Variants in LRRC15 observed in about 807,000 individuals in gnomAD.
The protein encoded by LRRC15 is leucine-rich repeat-containing protein 15.
In LRRC15, 5 loss-of-function variants were observed where a neutral mutation model predicts 4.3. That is an observed-to-expected ratio of 1.16 (90% CI 0.61 to 2.44). The LOEUF is 2.44. LRRC15 is among the 30% of genes most tolerant of loss of function. LRRC15 has a pLI of 0.01. For missense variants in LRRC15, 769 were observed against 747.0 expected (o/e 1.03, Z -0.34); for synonymous variants, 337 against 323.2 (o/e 1.04, Z -0.46).
In LRRC15 at chr3:194,366,114, G is replaced by A. The variant is rs550004197; in HGVS notation, c.-4+3547C>T. ...CAGCTGGTGCTGACCTCAATCACGC[G>A]CTCATGGGGGCTCAGGCCAGTGGGT... On this transcript the variant is annotated intron_variant, in intron 1 of 1. Coordinates refer to ENST00000347624, the MANE Select transcript of LRRC15 (RefSeq NM_130830.5). 2.6e-4 allele frequency among the ~76,000 whole-genome samples: 40 copies of A among 152,326 alleles called. 1 individual carries two copies. In the South Asian group the frequency reaches 5.6e-3, roughly 21 times the overall value.
intron 1 of LRRC15, among the ~76,000 whole-genome samples, chr3:194,369,221 C>T (rs71316296): frequency 0.084 from 12,841 of 152,292 alleles, 654 homozygotes; most frequent in Non-Finnish European, 0.098. Context: ...GCCACCAGGG[C>T]AAGTGCCAGG....
chr3:194,365,997 C>T (rs1352381082), intron 1 of LRRC15, among the ~76,000 whole-genome samples: 2 of 152,230 alleles, frequency 1.3e-5, no homozygotes, highest in Non-Finnish European at 2.9e-5. Flanking sequence ...CCAGTCATGG[C>T]CTTGTCTGCA....
At position 194,359,294 on chromosome 3, in the gene LRRC15, C is replaced by A; in HGVS notation, c.*4G>T. 1 of 1,549,720 alleles carries A rather than the reference C, an allele frequency of 6.5e-7. No homozygotes were observed. Among genetic ancestry groups the A allele is most frequent in the South Asian group, 1.2e-5 (1 of 80,166 alleles). ...ATTCCCCAGCCCTGCTCCAGCCTGC[C>A]TCTTTAACACTCATTGGGTGCCTTC... On this transcript the variant is annotated 3_prime_UTR_variant, in exon 2 of 2. Coordinates refer to ENST00000347624, the MANE Select transcript of LRRC15 (RefSeq NM_130830.5).
In LRRC15 at chr3:194,367,523, G is replaced by A. The variant is rs1261973256; in HGVS notation, c.-4+2138C>T. 4.9e-4 allele frequency among the ~76,000 whole-genome samples: 74 copies of A among 152,276 alleles called. 1 individual carries two copies. Among genetic ancestry groups the A allele is most frequent in the Non-Finnish European group, 1.2e-4 (8 of 68,036 alleles). Reference sequence around the variant, plus strand: ...GGGTTTCGTCGTGTTAGCCAGGATGGTCTTGATCTCCTGACCTCATGATCC... The same window carrying A: ...GGGTTTCGTCGTGTTAGCCAGGATGATCTTGATCTCCTGACCTCATGATCC... On this transcript the variant is annotated intron_variant, in intron 1 of 1. Coordinates refer to ENST00000347624, the MANE Select transcript of LRRC15 (RefSeq NM_130830.5).
At chr3:194,363,193 T>C (rs1483521864) in intron 1 of LRRC15, among the ~76,000 whole-genome samples, 2 of 151,954 alleles carry the variant, frequency 1.3e-5, no homozygotes, top group Non-Finnish European at 2.9e-5. Context: ...CCCACCTCGG[T>C]CTCCCAAAGT....
rs1048693697 is a variant in LRRC15, at chr3:194,355,318, A to T, written c.*3980T>A. On this transcript the variant is annotated 3_prime_UTR_variant, in exon 2 of 2. Transcript: ENST00000347624. Reference sequence around the variant, plus strand: ...ACAAGCAGCATCCAGCAGAAGACAGACCCCCCAACCCTGCCCACCAGGGCT... The same window carrying T: ...ACAAGCAGCATCCAGCAGAAGACAGTCCCCCCAACCCTGCCCACCAGGGCT... 1.3e-4 allele frequency: 20 copies of T among 151,480 alleles called. No homozygotes were observed. Among genetic ancestry groups the T allele is most frequent in the African/African-American group, 4.9e-4 (20 of 41,104 alleles). The allele number at this position is 151,480 out of a possible 1,614,324, so 9.4% of individuals were successfully genotyped here.
chr3:194,360,057 G>C lies in LRRC15; in HGVS notation c.987C>G (p.Ile329Met), dbSNP rs771117233. The change falls in exon 2 of 2, where the codon ATC becomes ATG. Residue 329 changes from isoleucine (I) to methionine (M), a missense_variant. Transcript: ENST00000347624. ...TGAAGGCACCCGGGGAGATGAAGCTGATCTGATTGCGGCTAAGAATCAGGA... is the reference window on the plus strand; with the variant it reads ...TGAAGGCACCCGGGGAGATGAAGCTCATCTGATTGCGGCTAAGAATCAGGA... ...LQVLILSRNQ[I>M]SFISPGAFNG... 1 of 1,614,130 alleles carries C rather than the reference G, an allele frequency of 6.2e-7. No homozygotes were observed. Among genetic ancestry groups the C allele is most frequent in the African/African-American group, 1.3e-5 (1 of 74,940 alleles).
rs367752997 is a variant in LRRC15, at chr3:194,359,020, A to C, written c.*278T>G. 1.3e-5 allele frequency: 4 copies of C among 316,588 alleles called. No individual in the cohort carries two copies. The highest frequency in any genetic ancestry group is 4.2e-5 in the African/African-American group (2 of 47,362). The allele number at this position is 316,588 out of a possible 1,614,324, so 19.6% of individuals were successfully genotyped here. On this transcript the variant is annotated 3_prime_UTR_variant, in exon 2 of 2. Coordinates refer to ENST00000347624, the MANE Select transcript of LRRC15 (RefSeq NM_130830.5). ...AGGACAGGTGGGGAGGATTTGGAGG[A>C]AGAGCCCTCTCGAAGGAAGCCCAGG...
chr3:194,355,911 ATTCTT>A lies in LRRC15; in HGVS notation c.*3382_*3386del, dbSNP rs1401226230. 1 of 152,218 alleles carries A rather than the reference ATTCTT, an allele frequency of 6.6e-6. No homozygotes were observed. Among genetic ancestry groups the A allele is most frequent in the African/African-American group, 2.4e-5 (1 of 41,462 alleles). The allele number at this position is 152,218 out of a possible 1,614,324, so 9.4% of individuals were successfully genotyped here. On this transcript the variant is annotated 3_prime_UTR_variant, in exon 2 of 2. Coordinates refer to ENST00000347624, the MANE Select transcript of LRRC15 (RefSeq NM_130830.5). ...TCCCATGAGAGGGACAAACTATTCT[ATTCTT>A]TAAGGGATGGAAGAGTTTATTTTTT...
At position 194,359,153 on chromosome 3, in the gene LRRC15, G is replaced by T; in HGVS notation, c.*145C>A. ...GCTTCTCTACGGGAGAATCAGGCAA[G>T]TCAGGAAGAGGTAGGCTCACCTTTC... On this transcript the variant is annotated 3_prime_UTR_variant, in exon 2 of 2. Transcript: ENST00000347624. 1.4e-6 allele frequency: 1 copy of T among 725,296 alleles called. No homozygotes were observed. Among genetic ancestry groups the T allele is most frequent in the Non-Finnish European group, 2.2e-6 (1 of 455,572 alleles). 44.9% of individuals were successfully genotyped at this position (725,296 alleles called of 1,614,324 possible).
intron 1 of LRRC15, among the ~76,000 whole-genome samples, chr3:194,367,392 T>C (rs1033645336): frequency 2.0e-5 from 3 of 152,150 alleles, no homozygotes; most frequent in Admixed American, 6.5e-5. Context: ...CTGCAAGCTC[T>C]GCCTCCCGGG....
chr3:194,364,605 T>G (rs1375327071), intron 1 of LRRC15, among the ~76,000 whole-genome samples: 1 of 152,002 alleles, frequency 6.6e-6, no homozygotes, highest in Non-Finnish European at 1.5e-5. Context: ...GGGAGGGGCA[T>G]CAAGCCAGCC....
At position 194,367,789 on chromosome 3, in the gene LRRC15, G is replaced by A. The variant is rs76132948; in HGVS notation, c.-4+1872C>T. ...CTCACCGTCCACCTTGATCAAGCGGGGACCCGCGTCTCTCATCTCTCATGG... is the reference window on the plus strand; with the variant it reads ...CTCACCGTCCACCTTGATCAAGCGGAGACCCGCGTCTCTCATCTCTCATGG... On this transcript the variant is annotated intron_variant, in intron 1 of 1. Coordinates refer to ENST00000347624, the MANE Select transcript of LRRC15 (RefSeq NM_130830.5). 6.7e-3 allele frequency among the ~76,000 whole-genome samples: 1,021 copies of A among 152,362 alleles called. 11 individuals are homozygous for A. The highest frequency in any genetic ancestry group is 0.011 in the Non-Finnish European group (750 of 68,038).
chr3:194,363,766 A>G (rs12485733), intron 1 of LRRC15, among the ~76,000 whole-genome samples: 115,262 of 152,180 alleles, frequency 0.76, 44,777 homozygotes, highest in African/African-American at 0.93. Flanking sequence ...TGGCAAGGGG[A>G]TCTAGAAAAC....
At position 194,356,176 on chromosome 3, in the gene LRRC15, C is replaced by G. The variant is rs564664880; in HGVS notation, c.*3122G>C. 1 of 152,354 alleles carries G rather than the reference C, an allele frequency of 6.6e-6. No homozygotes were observed. The highest frequency in any genetic ancestry group is 2.1e-4 in the South Asian group (1 of 4,822). The allele number at this position is 152,354 out of a possible 1,614,324, so 9.4% of individuals were successfully genotyped here. ...CCATCACAAGTGGGTAGAGGCGGCA[C>G]TCCTACCGCAGGGGTGCTGAGGGCT... On this transcript the variant is annotated 3_prime_UTR_variant, in exon 2 of 2. Transcript: ENST00000347624.
intron 1 of LRRC15, among the ~76,000 whole-genome samples, chr3:194,366,611 T>C (rs918138990): frequency 6.6e-6 from 1 of 152,168 alleles, no homozygotes; most frequent in Non-Finnish European, 1.5e-5. Flanking sequence ...AGGCCGCAGA[T>C]CCTGCCACAG....
chr3:194,357,484 A>T lies in LRRC15; in HGVS notation c.*1814T>A, dbSNP rs1482745887. ...CCTGAAATTCTCCATTTCACTGTAAACTGGGCCAGTTGTCCAGAGAAAGAC... is the reference window on the plus strand; with the variant it reads ...CCTGAAATTCTCCATTTCACTGTAATCTGGGCCAGTTGTCCAGAGAAAGAC... On this transcript the variant is annotated 3_prime_UTR_variant, in exon 2 of 2. Coordinates refer to ENST00000347624, the MANE Select transcript of LRRC15 (RefSeq NM_130830.5). The T allele has an allele frequency of 6.6e-6, 1 of 152,140 alleles. No homozygotes were observed. Among genetic ancestry groups the T allele is most frequent in the Non-Finnish European group, 1.5e-5 (1 of 68,024 alleles). 9.4% of individuals were successfully genotyped at this position (152,140 alleles called of 1,614,324 possible). A position where few individuals can be genotyped will look rare whatever the true frequency, so the allele number is the denominator to read the frequency against.
intron 1 of LRRC15, among the ~76,000 whole-genome samples, chr3:194,367,002 C>A (rs1713801889): frequency 6.6e-6 from 1 of 152,226 alleles, no homozygotes; most frequent in Non-Finnish European, 1.5e-5. Flanking sequence ...GGTGGATTTG[C>A]ACCCTCCAGC....
chr3:194,362,607 C>T (rs1713661816), intron 1 of LRRC15, among the ~76,000 whole-genome samples: 1 of 152,172 alleles, frequency 6.6e-6, no homozygotes, highest in Non-Finnish European at 1.5e-5. Context: ...CAAGGAAAGG[C>T]TTCTGAGCTT....
Sources: allele counts gnomAD v4.1 joint callset (sites outside exome capture counted in the v4.1 genomes callset), GRCh38; gene constraint gnomAD v4.1.1; transcripts MANE v1.5; gene names NCBI Gene and HGNC (gene_info 2026-07-23, HGNC 2026-07-21).